The following KIAA1217 variants were observed in gnomAD, a reference collection of about 807,000 sequenced individuals.
KIAA1217 encodes sickle tail protein homolog.
A neutral mutation model predicts 163.9 loss-of-function variants in KIAA1217; 88 were observed. That is an observed-to-expected ratio of 0.54 (90% CI 0.45 to 0.64). The LOEUF (loss-of-function observed/expected upper bound fraction) is 0.64, where lower values mean the gene tolerates loss of function less well. KIAA1217 is among the 30% of genes least tolerant of loss of function. KIAA1217 has a pLI of 0.00. For missense variants in KIAA1217, 2,372 were observed against 2,475.0 expected (o/e 0.96, Z 0.88); for synonymous variants, 903 against 923.1 (o/e 0.98, Z 0.39).
At position 23,695,711 on chromosome 10, in the gene KIAA1217, GGCT is replaced by G. The variant is rs1462855176; in HGVS notation, c.-321+479_-321+481del. 1.3e-5 allele frequency among the ~76,000 whole-genome samples: 2 copies of G among 152,204 alleles called. No homozygotes were observed. Among genetic ancestry groups the G allele is most frequent in the African/African-American group, 4.8e-5 (2 of 41,460 alleles). The stretch of plus-strand genomic sequence containing the variant: ...GAGAGAGAGAACCGGCCCCGAGACG[GGCT>G]GGAGGGTGGGGACACTGGGGAGTTT... On this transcript the variant is annotated intron_variant, in intron 1 of 18. Coordinates refer to the KIAA1217 transcript ENST00000376462. This position sits in a 1 kb window ranked among gnomAD's most constrained non-coding sequence, Gnocchi z 4.9.
At chr10:23,951,130 C>G (rs149774499) in intron 1 of KIAA1217, among the ~76,000 whole-genome samples, 2 of 152,142 alleles carry the variant, frequency 1.3e-5, no homozygotes, top group Admixed American at 1.3e-4. Context: ...CTGGTGTGAT[C>G]CTGTGGACCT....
intron 1 of KIAA1217, among the ~76,000 whole-genome samples, chr10:23,876,409 A>G (rs1200388021): frequency 6.6e-6 from 1 of 151,922 alleles, no homozygotes; most frequent in African/African-American, 2.4e-5. Context: ...GATGGGATCA[A>G]TTATACCCCA....
At chr10:24,381,322 T>C (rs1203876252) in intron 3 of KIAA1217, among the ~76,000 whole-genome samples, 1 of 152,144 alleles carries the variant, frequency 6.6e-6, no homozygotes, top group Non-Finnish European at 1.5e-5. Context: ...AAGAGGCTAG[T>C]AGTATTTTAC....
intron 3 of KIAA1217, among the ~76,000 whole-genome samples, chr10:24,431,151 T>A (rs902352747): frequency 6.6e-6 from 1 of 152,176 alleles, no homozygotes; most frequent in African/African-American, 2.4e-5. Context: ...GTATCCCTTA[T>A]TGTCACTTTA....
At chr10:23,904,692 C>A (rs1021089384) in intron 1 of KIAA1217, among the ~76,000 whole-genome samples, 1 of 152,074 alleles carries the variant, frequency 6.6e-6, no homozygotes, top group East Asian at 1.9e-4. Flanking sequence ...AGTCACGTGG[C>A]TACATCTGAC....
At chr10:24,097,381 A>G (rs1488472130) in intron 2 of KIAA1217, among the ~76,000 whole-genome samples, 1 of 152,062 alleles carries the variant, frequency 6.6e-6, no homozygotes. Flanking sequence ...GCAAGATCCT[A>G]TCTCTGAAAA....
intron 2 of KIAA1217, among the ~76,000 whole-genome samples, chr10:24,058,873 T>G (rs2060618630): frequency 6.6e-6 from 1 of 152,126 alleles, no homozygotes; most frequent in Non-Finnish European, 1.5e-5. Context: ...GTAGATGCCT[T>G]TTTTTTCTTG....
chr10:23,909,079 A>T (rs1842309971), intron 1 of KIAA1217, among the ~76,000 whole-genome samples: 1 of 152,206 alleles, frequency 6.6e-6, no homozygotes, highest in African/African-American at 2.4e-5. Flanking sequence ...GGATACTATT[A>T]TTCTAAGCAA....
chr10:23,957,011 T>G (rs1290090452), intron 1 of KIAA1217, among the ~76,000 whole-genome samples: 1 of 152,068 alleles, frequency 6.6e-6, no homozygotes, highest in Non-Finnish European at 1.5e-5. Flanking sequence ...CACCCATGAC[T>G]CGGGCCTGCA....
At chr10:23,993,553 C>CTTTTTTTATTTT (rs1846319429) in intron 1 of KIAA1217, among the ~76,000 whole-genome samples, 1 of 68,956 alleles carries the variant, frequency 1.5e-5, no homozygotes, top group Admixed American at 1.8e-4. Flanking sequence ...CATAGCCCAG[C>CTTTTTTTATTTT]TTTTTTTTTT....
At chr10:24,259,894 A>G (rs2131686915) in intron 2 of KIAA1217, among the ~76,000 whole-genome samples, 1 of 152,258 alleles carries the variant, frequency 6.6e-6, no homozygotes, top group South Asian at 2.1e-4. Flanking sequence ...ATTCTTCTTT[A>G]TTCTGTGGAA....
rs906159466 is a variant in KIAA1217, at chr10:24,063,090, G to C, written c.-171+55716G>C. 7.9e-5 allele frequency among the ~76,000 whole-genome samples: 12 copies of C among 151,972 alleles called. No homozygotes were observed. The South Asian group carries it at 1.0e-3, about 13-fold the overall frequency. Reference sequence around the variant, plus strand: ...AAAATTTTCTCCCATTCTGTAGGTTGCCTGTTCACTCTGATGGTGGTTTCT... The same window carrying C: ...AAAATTTTCTCCCATTCTGTAGGTTCCCTGTTCACTCTGATGGTGGTTTCT... On this transcript the variant is annotated intron_variant, in intron 2 of 18. Coordinates refer to the KIAA1217 transcript ENST00000376462.
chr10:24,328,649 C>G (rs1192005607), intron 2 of KIAA1217, among the ~76,000 whole-genome samples: 1 of 151,988 alleles, frequency 6.6e-6, no homozygotes, highest in Non-Finnish European at 1.5e-5. Context: ...ATTTTCAGGA[C>G]TGGGTTCTTT....
chr10:23,758,792 T>G (rs555254336), intron 1 of KIAA1217, among the ~76,000 whole-genome samples: 121 of 151,482 alleles, frequency 8.0e-4, no homozygotes, highest in Non-Finnish European at 1.3e-3. Flanking sequence ...GTTCAAGTGA[T>G]TCTCCTACCT....
intron 1 of KIAA1217, among the ~76,000 whole-genome samples, chr10:23,897,637 C>T (rs116877682): frequency 2.4e-3 from 371 of 152,120 alleles, no homozygotes; most frequent in South Asian, 0.017. Context: ...GGGAGCTACA[C>T]GGAACCGAGG....
chr10:24,362,318 T>C (rs947782097), intron 2 of KIAA1217, among the ~76,000 whole-genome samples: 1 of 152,172 alleles, frequency 6.6e-6, no homozygotes, highest in African/African-American at 2.4e-5. Context: ...TTCAGAAATT[T>C]GATAAAAATA....
intron 1 of KIAA1217, among the ~76,000 whole-genome samples, chr10:23,987,411 G>GT (rs200535501): frequency 9.7e-6 from 1 of 102,668 alleles, no homozygotes; most frequent in Non-Finnish European, 2.1e-5. Context: ...TCTTACTTTT[G>GT]TTTTTTTAAA....
intron 1 of KIAA1217, among the ~76,000 whole-genome samples, chr10:23,715,173 G>A (rs1472441437): frequency 6.6e-6 from 1 of 152,172 alleles, no homozygotes; most frequent in African/African-American, 2.4e-5. Context: ...AGTTACTTTA[G>A]CCTCCTCTTA....
At chr10:23,789,962 C>A in intron 1 of KIAA1217, among the ~76,000 whole-genome samples, 1 of 129,918 alleles carries the variant, frequency 7.7e-6, no homozygotes, top group South Asian at 2.3e-4. Flanking sequence ...TATATATACA[C>A]ATATACATAT....
Sources: allele counts gnomAD v4.1 joint callset (sites outside exome capture counted in the v4.1 genomes callset), GRCh38; gene constraint gnomAD v4.1.1; non-coding constraint Gnocchi (gnomAD v3.1); transcripts MANE v1.5; gene names NCBI Gene and HGNC (gene_info 2026-07-23, HGNC 2026-07-21).